Variants in CAMK4 observed in about 807,000 individuals in gnomAD.
CAMK4 encodes calcium/calmodulin-dependent protein kinase type IV.
Under a neutral mutation model 44.9 loss-of-function variants are expected in CAMK4, and 22 were observed. The ratio of observed to expected loss-of-function variants is 0.49; its 90% CI spans 0.35 to 0.70. The LOEUF (loss-of-function observed/expected upper bound fraction) is 0.70. CAMK4 is among the 30% of genes least tolerant of loss of function. The pLI is 0.01. For synonymous variants in CAMK4, 218 were observed against 215.4 expected (o/e 1.01, Z -0.11); for missense variants, 498 against 586.8 (o/e 0.85, Z 1.56).
chr5:111,385,544 T>C (rs1433531228), intron 4 of CAMK4, among the ~76,000 whole-genome samples: 1 of 151,912 alleles, frequency 6.6e-6, no homozygotes, highest in African/African-American at 2.4e-5. Flanking sequence ...AATAGTGTGC[T>C]CCTGAGCAAT....
intron 1 of CAMK4, among the ~76,000 whole-genome samples, chr5:111,248,815 T>C (rs947158596): frequency 6.6e-6 from 1 of 152,166 alleles, no homozygotes; most frequent in Non-Finnish European, 1.5e-5. Flanking sequence ...CCAGAGACTA[T>C]GACCAGTAAT....
intron 4 of CAMK4, among the ~76,000 whole-genome samples, chr5:111,378,178 C>T (rs1751284276): frequency 6.6e-6 from 1 of 152,038 alleles, no homozygotes; most frequent in South Asian, 2.1e-4. Context: ...AGCTGCCTTT[C>T]CCCTTTTACT....
In CAMK4 at chr5:111,488,346, C is replaced by T. The variant is rs987078294; in HGVS notation, c.*3880C>T. 6.6e-6 allele frequency: 1 copy of T among 152,146 alleles called. No individual in the cohort carries two copies. Among genetic ancestry groups the T allele is most frequent in the Non-Finnish European group, 1.5e-5 (1 of 68,020 alleles). The allele number at this position is 152,146 out of a possible 1,614,324, so 9.4% of individuals were successfully genotyped here. Reference sequence around the variant, plus strand: ...AAGGGTTTAATCAACACTGCCATTACACATGGATTTAACAAAAGACTTTTG... The same window carrying T: ...AAGGGTTTAATCAACACTGCCATTATACATGGATTTAACAAAAGACTTTTG... On this transcript the variant is annotated 3_prime_UTR_variant, in exon 11 of 11. Coordinates refer to ENST00000282356, the MANE Select transcript of CAMK4 (RefSeq NM_001744.6).
chr5:111,266,374 T>C (rs1462570920), intron 1 of CAMK4, among the ~76,000 whole-genome samples: 2 of 152,182 alleles, frequency 1.3e-5, no homozygotes, highest in Non-Finnish European at 2.9e-5. Flanking sequence ...TTATATAAGC[T>C]ACACTTTGGG....
intron 1 of CAMK4, among the ~76,000 whole-genome samples, chr5:111,312,184 C>G (rs1386240221): frequency 6.6e-6 from 1 of 152,076 alleles, no homozygotes; most frequent in African/African-American, 2.4e-5. Context: ...AGCTGGATGC[C>G]AAGACCTTAA....
At chr5:111,480,229 C>T (rs1580809397) in intron 9 of CAMK4, among the ~76,000 whole-genome samples, 1 of 135,312 alleles carries the variant, frequency 7.4e-6, no homozygotes, top group South Asian at 2.2e-4. Flanking sequence ...ACCTTCTTCT[C>T]CATTACACAT....
chr5:111,451,873 T>C (rs1310894097), intron 7 of CAMK4, among the ~76,000 whole-genome samples: 3 of 152,204 alleles, frequency 2.0e-5, no homozygotes, highest in Non-Finnish European at 4.4e-5. Flanking sequence ...CATTCCAGCC[T>C]GGGCAATAAA....
At chr5:111,353,848 C>T (rs921737780) in intron 2 of CAMK4, among the ~76,000 whole-genome samples, 1 of 151,994 alleles carries the variant, frequency 6.6e-6, no homozygotes, top group Non-Finnish European at 1.5e-5. Flanking sequence ...AAACTGAAAG[C>T]ACACAAATAA....
chr5:111,276,861 T>C (rs559700601), intron 1 of CAMK4, among the ~76,000 whole-genome samples: 1 of 152,336 alleles, frequency 6.6e-6, no homozygotes, highest in African/African-American at 2.4e-5. Context: ...TTTAAAAATA[T>C]GATCTTGACC....
intron 1 of CAMK4, among the ~76,000 whole-genome samples, chr5:111,237,067 T>C: frequency 6.6e-6 from 1 of 152,184 alleles, no homozygotes; most frequent in East Asian, 1.9e-4. Flanking sequence ...ATGTAAGCTC[T>C]TGAGGCTCTG....
chr5:111,358,815 C>T (rs429605), intron 2 of CAMK4, among the ~76,000 whole-genome samples: 139,571 of 152,082 alleles, frequency 0.92, 64,153 homozygotes, highest in East Asian at 1. Flanking sequence ...TGAGAACATG[C>T]GGTATTTAGT....
intron 1 of CAMK4, among the ~76,000 whole-genome samples, chr5:111,230,848 ACT>A (rs1037936031): frequency 1.3e-5 from 2 of 151,558 alleles, no homozygotes; most frequent in Non-Finnish European, 1.5e-5. Flanking sequence ...TTTTTTAAAA[ACT>A]CTTTTGGGAA....
chr5:111,444,477 G>C (rs796691440), intron 5 of CAMK4, among the ~76,000 whole-genome samples: 14 of 152,238 alleles, frequency 9.2e-5, no homozygotes, highest in African/African-American at 3.4e-4. Context: ...CCCATGAAGA[G>C]TTTCTTCATG....
intron 4 of CAMK4, among the ~76,000 whole-genome samples, chr5:111,386,904 G>A (rs1284374161): frequency 6.6e-6 from 1 of 152,208 alleles, no homozygotes; most frequent in Non-Finnish European, 1.5e-5. Flanking sequence ...TCTCAGGGCA[G>A]CCTTTTGGGT....
intron 5 of CAMK4, among the ~76,000 whole-genome samples, chr5:111,398,462 G>T (rs1249283566): frequency 2.0e-5 from 3 of 152,108 alleles, no homozygotes; most frequent in South Asian, 4.1e-4. Context: ...TGTTCTGGTG[G>T]TTTTTTTGCT....
chr5:111,477,921 A>G (rs1755301787), intron 8 of CAMK4, among the ~76,000 whole-genome samples: 1 of 152,106 alleles, frequency 6.6e-6, no homozygotes, highest in Admixed American at 6.5e-5. Context: ...TCCACTTTTT[A>G]ATTTCTTTAC....
In CAMK4 at chr5:111,406,687, G is replaced by T. The variant is rs922738581; in HGVS notation, c.459+11905G>T. Among the ~76,000 whole-genome samples the T allele has an allele frequency of 9.9e-5, 15 of 152,228 alleles. 1 individual carries two copies. In the East Asian group the frequency reaches 2.5e-3, roughly 25 times the overall value. ...CACAACATGAATTCTAGGTCCCGAG[G>T]AGAGCTACTGAAAGTAAACGCAAGA... On this transcript the variant is annotated intron_variant, in intron 5 of 10. Coordinates refer to ENST00000282356, the MANE Select transcript of CAMK4 (RefSeq NM_001744.6).
Position 111,467,699 on chromosome 5 carries a change from A to C in CAMK4, c.626-5612A>C, listed in dbSNP as rs529667538. Among the ~76,000 whole-genome samples, 5 of 152,334 alleles carry C rather than the reference A, an allele frequency of 3.3e-5. No homozygotes were observed. The East Asian group carries it at 7.7e-4, about 23-fold the overall frequency. On this transcript the variant is annotated intron_variant, in intron 7 of 10. Transcript: ENST00000282356. ...ATGGCTATAATCAAAAAATCAAAAAATAATACATGTTGGTGTGGATGTGGT... is the reference window on the plus strand; with the variant it reads ...ATGGCTATAATCAAAAAATCAAAAACTAATACATGTTGGTGTGGATGTGGT...
chr5:111,322,670 G>C (rs894818987), intron 1 of CAMK4, among the ~76,000 whole-genome samples: 1 of 152,128 alleles, frequency 6.6e-6, no homozygotes, highest in East Asian at 1.9e-4. Flanking sequence ...TGTAGGGAGA[G>C]TCAATAAAAT....
Sources: allele counts gnomAD v4.1 joint callset (sites outside exome capture counted in the v4.1 genomes callset), GRCh38; gene constraint gnomAD v4.1.1; transcripts MANE v1.5; gene names NCBI Gene and HGNC (gene_info 2026-07-23, HGNC 2026-07-21).